SPRED1: variants seen among roughly 807,000 people sequenced by gnomAD.
SPRED1 encodes the protein sprouty related EVH1 domain containing 1.
In SPRED1, 18 loss-of-function variants were observed where a neutral mutation model predicts 52.3. That is an observed-to-expected ratio of 0.34 (90% CI 0.24 to 0.51). The LOEUF is 0.51. SPRED1 is among the 20% of genes least tolerant of loss of function. The probability of loss-of-function intolerance (pLI) is 0.97; values close to 1 mark genes in which losing one functional copy is unlikely to be tolerated. For synonymous variants in SPRED1, 155 were observed against 179.7 expected (o/e 0.86, Z 1.10); for missense variants, 485 against 551.0 (o/e 0.88, Z 1.20).
intron 1 of SPRED1, among the ~76,000 whole-genome samples, chr15:38,288,416 CAATA>C (rs1261461059): frequency 6.6e-6 from 1 of 151,858 alleles, no homozygotes; most frequent in Non-Finnish European, 1.5e-5. Flanking sequence ...GGAGGACAGA[CAATA>C]AATAAATAAA....
chr15:38,315,483 T>C (rs1416670269), intron 2 of SPRED1, among the ~76,000 whole-genome samples: 3 of 151,942 alleles, frequency 2.0e-5, no homozygotes, highest in Non-Finnish European at 4.4e-5. Flanking sequence ...TGCAACACAG[T>C]TATTTTACGA....
At chr15:38,336,568 T>C (rs184362229) in intron 4 of SPRED1, among the ~76,000 whole-genome samples, 15 of 150,194 alleles carry the variant, frequency 1.0e-4, no homozygotes, top group East Asian at 1.9e-4. Flanking sequence ...ATTATATATA[T>C]ACACACACAC....
At chr15:38,278,560 T>G (rs1894610925) in intron 1 of SPRED1, among the ~76,000 whole-genome samples, 1 of 152,192 alleles carries the variant, frequency 6.6e-6, no homozygotes, top group Non-Finnish European at 1.5e-5. Context: ...CTTACTGTTA[T>G]TTGTGGGAGA....
chr15:38,254,067 G>A (rs977757959), intron 1 of SPRED1, among the ~76,000 whole-genome samples: 6 of 152,084 alleles, frequency 3.9e-5, no homozygotes, highest in Admixed American at 6.5e-5. Context: ...GCTTTAACGT[G>A]ACAGCTGCGT....
chr15:38,275,810 T>C (rs933751238), intron 1 of SPRED1, among the ~76,000 whole-genome samples: 5 of 152,234 alleles, frequency 3.3e-5, no homozygotes, highest in African/African-American at 1.2e-4. Flanking sequence ...GTGGTGTTAT[T>C]AACCCTCTTT....
chr15:38,315,739 A>C (rs1895465205), intron 2 of SPRED1, among the ~76,000 whole-genome samples: 1 of 151,936 alleles, frequency 6.6e-6, no homozygotes, highest in African/African-American at 2.4e-5. Flanking sequence ...TCTGTCACTC[A>C]AACACCTCTG....
chr15:38,268,702 C>G (rs1292135294), intron 1 of SPRED1, among the ~76,000 whole-genome samples: 1 of 152,116 alleles, frequency 6.6e-6, no homozygotes, highest in African/African-American at 2.4e-5. Flanking sequence ...TTCCTTATTG[C>G]TTTATGTTAA....
chr15:38,330,241 T>G (rs1343405512), intron 4 of SPRED1, among the ~76,000 whole-genome samples: 2 of 152,182 alleles, frequency 1.3e-5, no homozygotes, highest in Admixed American at 1.3e-4. Context: ...TTTACCACTA[T>G]TGCCAGACAT....
At chr15:38,324,895 A>G in intron 4 of SPRED1, 86 bp downstream of exon 4, 1 of 1,112,312 alleles carries the variant, frequency 9.0e-7, no homozygotes, top group Admixed American at 1.9e-5. Flanking sequence ...TCAATTACTA[A>G]GAATATTTCT....
At chr15:38,271,496 A>T (rs917767372) in intron 1 of SPRED1, among the ~76,000 whole-genome samples, 3 of 152,236 alleles carry the variant, frequency 2.0e-5, no homozygotes, top group African/African-American at 2.4e-5. Flanking sequence ...TTTATTGAGC[A>T]CTTATTATAT....
In SPRED1 at chr15:38,316,856, A is replaced by G. The variant is rs565389425; in HGVS notation, c.208-5385A>G. 2.1e-4 allele frequency among the ~76,000 whole-genome samples: 32 copies of G among 149,170 alleles called. No individual in the cohort carries two copies. The South Asian group carries it at 6.7e-3, about 31-fold the overall frequency. ...TTCTAGTACTAATAATAAAACATTA[A>G]TTTGTTCTTTGTCAACCAGCCACAT... On this transcript the variant is annotated intron_variant, in intron 2 of 6. Transcript: ENST00000299084.
chr15:38,334,368 T>C (rs1012675202), intron 4 of SPRED1, among the ~76,000 whole-genome samples: 6 of 151,982 alleles, frequency 3.9e-5, no homozygotes, highest in African/African-American at 1.4e-4. Context: ...ATTAGTTGTA[T>C]TGGTTATGTT....
chr15:38,339,968 G>A (rs1895998205), intron 5 of SPRED1, 73 bp downstream of exon 5: 3 of 1,574,278 alleles, frequency 1.9e-6, no homozygotes, highest in Non-Finnish European at 2.6e-6. Context: ...AGATAAGGAC[G>A]TTAAAACCAT....
At chr15:38,286,032 C>T (rs1002551446) in intron 1 of SPRED1, among the ~76,000 whole-genome samples, 3 of 151,944 alleles carry the variant, frequency 2.0e-5, no homozygotes. Flanking sequence ...TTGCTTGAGG[C>T]CAGGAGTTCA....
chr15:38,268,518 C>T (rs1894360286), intron 1 of SPRED1, among the ~76,000 whole-genome samples: 1 of 152,168 alleles, frequency 6.6e-6, no homozygotes, highest in Non-Finnish European at 1.5e-5. Context: ...GATACACTTA[C>T]CCTTGTGACT....
At chr15:38,262,215 T>C (rs1173793714) in intron 1 of SPRED1, among the ~76,000 whole-genome samples, 1 of 152,228 alleles carries the variant, frequency 6.6e-6, no homozygotes, top group Non-Finnish European at 1.5e-5. Flanking sequence ...GGCATTTGAA[T>C]GAGTGCTTAC....
At chr15:38,324,721 A>C (rs1895675056) in intron 3 of SPRED1, 42 bp from the exon 4 acceptor site, 1 of 1,506,570 alleles carries the variant, frequency 6.6e-7, no homozygotes, top group African/African-American at 1.4e-5. Context: ...GGACTCTAAG[A>C]CAAAAATTCT....
At chr15:38,330,233 T>TAC (rs1182552414) in intron 4 of SPRED1, among the ~76,000 whole-genome samples, 1 of 152,150 alleles carries the variant, frequency 6.6e-6, no homozygotes, top group Non-Finnish European at 1.5e-5. Flanking sequence ...TGTTTTCCTT[T>TAC]ACCACTATTG....
chr15:38,272,951 C>T (rs1455313015), intron 1 of SPRED1, among the ~76,000 whole-genome samples: 3 of 152,080 alleles, frequency 2.0e-5, no homozygotes, highest in African/African-American at 7.2e-5. Context: ...TTGTTGGATG[C>T]ATAGTTTATG....
Sources: allele counts gnomAD v4.1 joint callset (sites outside exome capture counted in the v4.1 genomes callset), GRCh38; gene constraint gnomAD v4.1.1; transcripts MANE v1.5; gene names NCBI Gene and HGNC (gene_info 2026-07-23, HGNC 2026-07-21).